DSCAML1: variants seen among roughly 807,000 people sequenced by gnomAD.
DSCAML1 encodes the protein DS cell adhesion molecule like 1, also known as cell adhesion molecule DSCAML1.
A neutral mutation model predicts 200.5 loss-of-function variants in DSCAML1; 38 were observed. The observed-to-expected ratio is 0.19, with a 90% confidence interval of 0.15 to 0.25. The LOEUF (loss-of-function observed/expected upper bound fraction) is 0.25, where lower values mean the gene tolerates loss of function less well. DSCAML1 is among the 10% of genes least tolerant of loss of function. The pLI is 1.00. For missense variants in DSCAML1, 2,223 were observed against 2,858.8 expected, an observed-to-expected ratio of 0.78 and a Z score of 5.07; for synonymous variants, 1,215 against 1,165.0, an observed-to-expected ratio of 1.04 and a Z score of -0.87.
rs141623006 is a variant in DSCAML1, at chr11:117,684,964, A to G, written c.511+91827T>C. 4.8e-3 allele frequency among the ~76,000 whole-genome samples: 732 copies of G among 152,362 alleles called. 2 individuals carry two copies. The highest frequency in any genetic ancestry group is 7.6e-3 in the Non-Finnish European group (516 of 68,034). ...CAGGGCCGGTCCAGCCGGTGCTCTG[A>G]GCCTGTCATGGGAAAACTTGGCAAT... On this transcript the variant is annotated intron_variant, in intron 3 of 32. Coordinates refer to ENST00000651296, the MANE Select transcript of DSCAML1 (RefSeq NM_020693.4).
intron 3 of DSCAML1, among the ~76,000 whole-genome samples, chr11:117,674,000 G>A (rs564490598): frequency 2.0e-5 from 3 of 152,286 alleles, no homozygotes; most frequent in South Asian, 4.1e-4. Context: ...TTCCTCAGAC[G>A]TCCACCTTTT....
At chr11:117,624,816 G>A (rs143784802) in intron 3 of DSCAML1, among the ~76,000 whole-genome samples, 1 of 152,316 alleles carries the variant, frequency 6.6e-6, no homozygotes, top group Non-Finnish European at 1.5e-5. Context: ...AAGACATCTA[G>A]CAAAGATTTC....
intron 1 of DSCAML1, among the ~76,000 whole-genome samples, chr11:117,791,307 T>C (rs900898724): frequency 2.0e-5 from 3 of 152,190 alleles, no homozygotes; most frequent in African/African-American, 7.2e-5. Flanking sequence ...GTTCTCTATA[T>C]GCAAAACTGC....
chr11:117,505,008 C>A lies in DSCAML1; in HGVS notation c.2098G>T (p.Asp700Tyr). Residue 700 changes from aspartate to tyrosine, a missense_variant, in exon 10 of 33, where the codon GAT (aspartate) becomes TAT (tyrosine). Around this residue, in one of 7 missense-constraint regions of DSCAML1, gnomAD observed 212 missense variants for 368.0 expected, o/e 0.58. Coordinates refer to ENST00000651296, the MANE Select transcript of DSCAML1 (RefSeq NM_020693.4). This position sits in a 1 kb window ranked among gnomAD's most constrained non-coding sequence, Gnocchi z 6.7. ...ACACCAGCTTTGCCGTAGATGCCAT[C>A]CTGGTTGTTGGGTTGCACCACAAAT... The part of the protein sequence containing the change: ...PRFVVQPNNQ[D>Y]GIYGKAGVLN... 1 of 1,612,816 alleles carries A rather than the reference C, an allele frequency of 6.2e-7. No individual in the cohort carries two copies. The highest frequency in any genetic ancestry group is 8.5e-7 in the Non-Finnish European group (1 of 1,179,362).
At chr11:117,694,014 C>A (rs910426328) in intron 3 of DSCAML1, among the ~76,000 whole-genome samples, 1 of 149,224 alleles carries the variant, frequency 6.7e-6, no homozygotes, top group Non-Finnish European at 1.5e-5. Flanking sequence ...CTTTGTGTAG[C>A]GGATAAGGGT....
At chr11:117,434,502 C>G (rs973320339) in intron 27 of DSCAML1, among the ~76,000 whole-genome samples, 1 of 152,182 alleles carries the variant, frequency 6.6e-6, no homozygotes, top group African/African-American at 2.4e-5. Context: ...ATCGATCTAT[C>G]AGAATAGTCA....
chr11:117,529,012 A>C (rs893299988), intron 4 of DSCAML1, among the ~76,000 whole-genome samples: 8 of 149,894 alleles, frequency 5.3e-5, no homozygotes, highest in African/African-American at 1.7e-4. Context: ...AGTAGCAGCT[A>C]CTGTCTGTCC....
rs1013464925 is a variant in DSCAML1, at chr11:117,469,677, G to C, written c.3024+233C>G. On this transcript the variant is annotated intron_variant, in intron 16 of 32. Coordinates refer to ENST00000651296, the MANE Select transcript of DSCAML1 (RefSeq NM_020693.4). The surrounding 1 kb of genome is among the most constrained non-coding windows in gnomAD (Gnocchi z 4.1). ...CAAGTTTTTCGTTCCACCCCAGGCAGAGCCTCCATCAGAGAACCAGGGAGG... is the reference window on the plus strand; with the variant it reads ...CAAGTTTTTCGTTCCACCCCAGGCACAGCCTCCATCAGAGAACCAGGGAGG... 6.6e-6 allele frequency among the ~76,000 whole-genome samples: 1 copy of C among 152,078 alleles called. No homozygotes were observed. The highest frequency in any genetic ancestry group is 1.5e-5 in the Non-Finnish European group (1 of 68,010).
At chr11:117,456,596 T>A (rs906712614) in intron 19 of DSCAML1, among the ~76,000 whole-genome samples, 1 of 152,026 alleles carries the variant, frequency 6.6e-6, no homozygotes, top group Non-Finnish European at 1.5e-5. Flanking sequence ...GGATGAGACG[T>A]CATCTGACAC....
chr11:117,747,256 C>T lies in DSCAML1; in HGVS notation c.511+29535G>A, dbSNP rs75246079. Among the ~76,000 whole-genome samples, 7 of 152,274 alleles carry T rather than the reference C, an allele frequency of 4.6e-5. No individual in the cohort carries two copies. In the South Asian group the frequency reaches 6.2e-4, roughly 14 times the overall value. Reference sequence around the variant, plus strand: ...GTTCTCTCCATAACAAATCAAGCACCGCAGATTTTTAAAAATTTTCTTTTC... The same window carrying T: ...GTTCTCTCCATAACAAATCAAGCACTGCAGATTTTTAAAAATTTTCTTTTC... On this transcript the variant is annotated intron_variant, in intron 3 of 32. Coordinates refer to ENST00000651296, the MANE Select transcript of DSCAML1 (RefSeq NM_020693.4).
Position 117,432,364 on chromosome 11 carries a change from G to A in DSCAML1, c.5167C>T (p.Arg1723Trp), listed in dbSNP as rs1454536192. ...TGPLIDMSDI[R>W]PGTNPVSRKN... ...GGATAATGCGTACTGGTTCCTGGCC[G>A]GATGTCAGACATGTCGATGAGGGGT... The change falls in exon 30 of 33, where the codon CGG becomes TGG. Residue 1723 changes from arginine to tryptophan, a missense_variant. By Grantham distance (101) the Arg-to-Trp change is moderately radical. Around this residue, in one of 7 missense-constraint regions of DSCAML1, gnomAD observed 614 missense variants for 739.1 expected, o/e 0.83. Coordinates refer to ENST00000651296, the MANE Select transcript of DSCAML1 (RefSeq NM_020693.4). The A allele has an allele frequency of 6.2e-6, 10 of 1,613,468 alleles. No homozygotes were observed. The highest frequency in any genetic ancestry group is 4.0e-5 in the African/African-American group (3 of 74,902).
intron 11 of DSCAML1, among the ~76,000 whole-genome samples, chr11:117,484,351 C>G (rs1005669034): frequency 1.1e-4 from 16 of 152,194 alleles, no homozygotes; most frequent in Non-Finnish European, 4.4e-5. Context: ...ACACAGCAAG[C>G]CACCTCCTCT....
At chr11:117,464,751 C>T (rs1249917470) in intron 17 of DSCAML1, among the ~76,000 whole-genome samples, 191 bp downstream of exon 17, 1 of 152,198 alleles carries the variant, frequency 6.6e-6, no homozygotes, top group African/African-American at 2.4e-5. Context: ...GCCCGATATG[C>T]TGAATGGCCC....
At chr11:117,565,743 A>G (rs866123184) in intron 3 of DSCAML1, among the ~76,000 whole-genome samples, 20 of 152,196 alleles carry the variant, frequency 1.3e-4, no homozygotes, top group Middle Eastern at 3.4e-3. Context: ...AGCTGGCTAC[A>G]GGCTGTTTGT....
At chr11:117,512,763 A>T (rs1420536287) in intron 8 of DSCAML1, among the ~76,000 whole-genome samples, 2 of 56,602 alleles carry the variant, frequency 3.5e-5, no homozygotes, top group African/African-American at 4.9e-5. Flanking sequence ...CTCTAGGATC[A>T]CACACACACA....
chr11:117,586,744 G>A (rs941971000), intron 3 of DSCAML1, among the ~76,000 whole-genome samples: 27 of 152,196 alleles, frequency 1.8e-4, no homozygotes, highest in African/African-American at 4.6e-4. Context: ...GCCCTTCCAC[G>A]AACTGGGCAA....
chr11:117,606,246 C>T (rs1356268950), intron 3 of DSCAML1, among the ~76,000 whole-genome samples: 1 of 152,140 alleles, frequency 6.6e-6, no homozygotes, highest in African/African-American at 2.4e-5. Context: ...CCCTGAGGAC[C>T]AGACAGAAAA....
chr11:117,782,044 A>T (rs760674825), intron 1 of DSCAML1, among the ~76,000 whole-genome samples: 1 of 152,200 alleles, frequency 6.6e-6, no homozygotes, highest in Non-Finnish European at 1.5e-5. Context: ...CCAGGTCTCT[A>T]GCCGGAAGCC....
intron 11 of DSCAML1, among the ~76,000 whole-genome samples, chr11:117,492,472 C>T (rs1420576040): frequency 1.3e-5 from 2 of 152,214 alleles, no homozygotes; most frequent in African/African-American, 4.8e-5. Flanking sequence ...GCTCTGTGAA[C>T]CCACCTTGTC....
Sources: allele counts gnomAD v4.1 joint callset (sites outside exome capture counted in the v4.1 genomes callset), GRCh38; gene constraint gnomAD v4.1.1; regional missense constraint gnomAD v4.1.1; non-coding constraint Gnocchi (gnomAD v3.1); transcripts MANE v1.5; gene names NCBI Gene and HGNC (gene_info 2026-07-23, HGNC 2026-07-21).